The following LSG1 variants were observed in gnomAD, a reference collection of about 807,000 sequenced individuals.
LSG1 encodes the protein large 60S subunit nuclear export GTPase 1.
A neutral mutation model predicts 82.6 loss-of-function variants in LSG1; 55 were observed. The ratio of observed to expected loss-of-function variants is 0.67; its 90% CI spans 0.54 to 0.83. The LOEUF is 0.83. Among genes scored for constraint, LSG1 ranks in the 40% least tolerant of loss-of-function variants. The pLI is 0.00. For synonymous variants in LSG1, 272 were observed against 282.5 expected, an observed-to-expected ratio of 0.96 and a Z score of 0.37; for missense variants, 809 against 807.9, an observed-to-expected ratio of 1.00 and a Z score of -0.02.
chr3:194,644,391 T>A (rs9821698), intron 13 of LSG1, among the ~76,000 whole-genome samples, 182 bp downstream of exon 13: 3,283 of 73,094 alleles, frequency 0.045, 264 homozygotes, highest in East Asian at 0.25. Context: ...TAAAAATAAA[T>A]AAATAAATAA....
intron 7 of LSG1, among the ~76,000 whole-genome samples, chr3:194,654,111 T>G (rs370192783): frequency 2.6e-5 from 4 of 152,214 alleles, no homozygotes; most frequent in Admixed American, 1.3e-4. Context: ...AGACGGTGGT[T>G]GGCATGTTTA....
chr3:194,657,458 G>GTTTTTTTTTTTTTTTTTTTT (rs58115258), intron 7 of LSG1, among the ~76,000 whole-genome samples: 1 of 139,152 alleles, frequency 7.2e-6, no homozygotes, highest in Non-Finnish European at 1.5e-5. Context: ...TGCTTAGTAA[G>GTTTTTTTTTTTTTTTTTTTT]TTTTTTTTTT....
intron 13 of LSG1, among the ~76,000 whole-genome samples, chr3:194,642,949 T>G (rs948908833): frequency 1.3e-5 from 2 of 152,218 alleles, no homozygotes; most frequent in African/African-American, 4.8e-5. Flanking sequence ...TCTTTGAGCC[T>G]CAGTGTCCTC....
chr3:194,656,572 T>C (rs2108618670), intron 7 of LSG1, among the ~76,000 whole-genome samples: 1 of 152,244 alleles, frequency 6.6e-6, no homozygotes, highest in South Asian at 2.1e-4. Flanking sequence ...AGTTCAACCC[T>C]TGTGGAAGTC....
At chr3:194,643,449 C>T (rs747036553) in intron 13 of LSG1, among the ~76,000 whole-genome samples, 48 of 152,206 alleles carry the variant, frequency 3.2e-4, no homozygotes, top group Non-Finnish European at 2.2e-4. Context: ...CATAAAATGA[C>T]GCTCAGCATC....
In LSG1 at chr3:194,651,462, C is replaced by A. The variant is rs990037160; in HGVS notation, c.1174-246G>T. ...TTAATATTATATGTTTTGCTGTTAA[C>A]AGCAGATGCTACAGAAAATTTCATC... On this transcript the variant is annotated intron_variant, in intron 8 of 13. Transcript: ENST00000265245. 5 of 483,154 alleles carry A rather than the reference C, an allele frequency of 1.0e-5. No homozygotes were observed. The South Asian group carries it at 1.2e-4, about 12-fold the overall frequency. The allele number at this position is 483,154 out of a possible 1,614,324, so 29.9% of individuals were successfully genotyped here. A position where few individuals can be genotyped will look rare whatever the true frequency, so the allele number is the denominator to read the frequency against.
At chr3:194,671,965 A>C in intron 1 of LSG1, 99 bp downstream of exon 1, 1 of 1,077,740 alleles carries the variant, frequency 9.3e-7, no homozygotes, top group Non-Finnish European at 1.4e-6. Context: ...AACCCGGCTG[A>C]GGCGTCCCTC....
chr3:194,645,531 G>GACACACACACACACAC (rs1718511520), intron 12 of LSG1: 558 of 35,092 alleles, frequency 0.016, 45 homozygotes, highest in Admixed American at 0.048. Flanking sequence ...CACACACACA[G>GACACACACACACACAC]ACAGACACAC....
intron 5 of LSG1, chr3:194,660,711 T>C (rs1191678503): frequency 3.1e-6 from 1 of 318,252 alleles, no homozygotes. Context: ...TGTGTTTAAA[T>C]GGCAAAAAGA....
intron 7 of LSG1, among the ~76,000 whole-genome samples, chr3:194,658,066 G>A (rs1718842250): frequency 6.6e-6 from 1 of 152,172 alleles, no homozygotes; most frequent in South Asian, 2.1e-4. Context: ...AGAGACGGGA[G>A]AAAAGGACAG....
chr3:194,656,257 C>G (rs1382289557), intron 7 of LSG1, among the ~76,000 whole-genome samples: 1 of 149,500 alleles, frequency 6.7e-6, no homozygotes, highest in East Asian at 2.0e-4. Context: ...ACTCATCTGA[C>G]AAAGGGCTAA....
chr3:194,665,710 G>T, intron 4 of LSG1, 67 bp from the exon 5 acceptor site: 1 of 870,920 alleles, frequency 1.1e-6, no homozygotes, highest in Non-Finnish European at 1.9e-6. Flanking sequence ...CAGTGTAAAT[G>T]CTCAAATTTA....
chr3:194,646,333 T>C, intron 11 of LSG1, 90 bp from the exon 12 acceptor site: 1 of 927,126 alleles, frequency 1.1e-6, no homozygotes, highest in Non-Finnish European at 1.8e-6. Flanking sequence ...TTACTAAGCA[T>C]TCTTACTCTT....
At chr3:194,661,773 T>C (rs1718935562) in intron 5 of LSG1, among the ~76,000 whole-genome samples, 1 of 152,202 alleles carries the variant, frequency 6.6e-6, no homozygotes, top group South Asian at 2.1e-4. Flanking sequence ...TCCACTTTCA[T>C]ATAACTATAT....
intron 12 of LSG1, chr3:194,645,541 C>CACACACACACACACACAG (rs1718517424): frequency 4.9e-5 from 2 of 40,772 alleles, no homozygotes; most frequent in Non-Finnish European, 9.9e-5. Flanking sequence ...GACAGACACA[C>CACACACACACACACACAG]ACACACACAC....
intron 12 of LSG1, among the ~76,000 whole-genome samples, chr3:194,645,593 C>CAGACAGACAG (rs1553845150): frequency 4.0e-5 from 4 of 100,120 alleles, no homozygotes; most frequent in Non-Finnish European, 6.1e-5. Flanking sequence ...CACACACACA[C>CAGACAGACAG]ACACACACAC....
In LSG1 at chr3:194,651,032, A is replaced by G; in HGVS notation, c.1276-8T>C. 6.2e-7 allele frequency: 1 copy of G among 1,613,936 alleles called. No homozygotes were observed. Among genetic ancestry groups the G allele is most frequent in the South Asian group, 1.1e-5 (1 of 91,056 alleles). Reference sequence around the variant, plus strand: ...AGGCTCCACATAGAGAGTCTGGAAGACAAGCAAGAGGTTTGAGCTGGGTAT... The same window carrying G: ...AGGCTCCACATAGAGAGTCTGGAAGGCAAGCAAGAGGTTTGAGCTGGGTAT... On this transcript the variant is annotated splice_region_variant and splice_polypyrimidine_tract_variant and intron_variant, in intron 9 of 13. Coordinates refer to ENST00000265245, the MANE Select transcript of LSG1 (RefSeq NM_018385.3).
Position 194,670,081 on chromosome 3 carries a change from A to G in LSG1, c.154T>C (p.Ser52Pro). 1 of 1,614,144 alleles carries G rather than the reference A, an allele frequency of 6.2e-7. No homozygotes were observed. Among genetic ancestry groups the G allele is most frequent in the Non-Finnish European group, 8.5e-7 (1 of 1,180,000 alleles). Residue 52 changes from serine to proline, a missense_variant, in exon 2 of 14, where the codon TCA (serine) becomes CCA (proline). Transcript: ENST00000265245. ...GYDWGRLNLQ[S>P]VTEQSSLDDF... ...TCAAGGGAGCTCTGTTCAGTCACTG[A>G]CTGAAGATTAAGACGACCCCAATCA...
At chr3:194,671,993 C>G (rs1416585572) in intron 1 of LSG1, 71 bp downstream of exon 1, 1 of 1,452,000 alleles carries the variant, frequency 6.9e-7, no homozygotes, top group Non-Finnish European at 9.6e-7. Flanking sequence ...ACTTATCTGA[C>G]TTTTGACCCC....
Sources: gnomAD v4.1 joint callset for allele counts (sites outside exome capture counted in the v4.1 genomes callset) on GRCh38, gnomAD v4.1.1 for gene constraint, MANE v1.5 for transcripts, NCBI Gene and HGNC (gene_info 2026-07-23, HGNC 2026-07-21) for gene names.